The following DACH2 variants were observed in gnomAD, a reference collection of about 807,000 sequenced individuals.
DACH2 encodes the protein dachshund homolog 2.
In DACH2, 17 loss-of-function variants were observed where a neutral mutation model predicts 35.8. The ratio of observed to expected loss-of-function variants is 0.48; its 90% CI spans 0.33 to 0.71. The LOEUF (loss-of-function observed/expected upper bound fraction) is 0.71, where lower values mean the gene tolerates loss of function less well. DACH2 is among the 30% of genes least tolerant of loss of function. The pLI, the probability that DACH2 is intolerant of heterozygous loss-of-function variation, is 0.02. For missense variants in DACH2, 469 were observed against 472.7 expected (o/e 0.99, Z 0.07); for synonymous variants, 195 against 177.3 (o/e 1.10, Z -0.79).
intron 7 of DACH2, among the ~76,000 whole-genome samples, chrX:86,744,857 T>C (rs1305771801): frequency 9.0e-6 from 1 of 111,680 alleles, no homozygotes; most frequent in African/African-American, 3.2e-5. Context: ...TATGTGGTCT[T>C]TAACAGTCAG....
At chrX:86,248,620 C>A (rs1431246547) in intron 1 of DACH2, among the ~76,000 whole-genome samples, 1 of 110,986 alleles carries the variant, frequency 9.0e-6, no homozygotes, top group African/African-American at 3.3e-5. Context: ...CGTTACTCCC[C>A]AAAGCAGTGT....
chrX:86,280,684 G>T (rs1425661087), intron 1 of DACH2, among the ~76,000 whole-genome samples: 2 of 111,964 alleles, frequency 1.8e-5, no homozygotes, highest in Non-Finnish European at 3.8e-5. Flanking sequence ...ATGACCCATT[G>T]TGGTGCTGTA....
At chrX:86,348,354 A>G (rs982049180) in intron 1 of DACH2, among the ~76,000 whole-genome samples, 6 of 112,332 alleles carry the variant, frequency 5.3e-5, no homozygotes, top group African/African-American at 1.9e-4. Context: ...AAACATTCCA[A>G]TAATTTTGTA....
chrX:86,432,523 T>C (rs575867451), intron 2 of DACH2, among the ~76,000 whole-genome samples: 1 of 111,950 alleles, frequency 8.9e-6, no homozygotes, highest in South Asian at 3.7e-4. Context: ...TGCGAAGAAA[T>C]ATCTTGAAGG....
At chrX:86,443,857 C>T (rs1310409354) in intron 2 of DACH2, among the ~76,000 whole-genome samples, 2 of 111,546 alleles carry the variant, frequency 1.8e-5, no homozygotes, top group African/African-American at 6.5e-5. Flanking sequence ...CCAACTTAAT[C>T]GTGGTGACTA....
chrX:86,456,763 T>C (rs1213883988), intron 2 of DACH2, among the ~76,000 whole-genome samples: 1 of 111,072 alleles, frequency 9.0e-6, no homozygotes, highest in Non-Finnish European at 1.9e-5. Flanking sequence ...GAAGATCTAC[T>C]GGCAACAATT....
intron 3 of DACH2, among the ~76,000 whole-genome samples, chrX:86,589,292 T>C (rs983538148): frequency 1.8e-5 from 2 of 111,595 alleles, no homozygotes; most frequent in Non-Finnish European, 3.8e-5. Context: ...TCAATTCTGC[T>C]CTGATTTTAG....
chrX:86,614,186 C>T (rs368355012), intron 3 of DACH2, among the ~76,000 whole-genome samples: 19 of 111,217 alleles, frequency 1.7e-4, no homozygotes, highest in South Asian at 3.7e-4. Context: ...ATTATCTAGA[C>T]GGATAAGTGA....
chrX:86,222,401 G>T (rs1392387519), intron 1 of DACH2, among the ~76,000 whole-genome samples: 1 of 112,071 alleles, frequency 8.9e-6, no homozygotes, highest in Non-Finnish European at 1.9e-5. Context: ...GAATCGGCAA[G>T]ATCTAGCTTA....
At chrX:86,423,695 T>C (rs766850366) in intron 2 of DACH2, among the ~76,000 whole-genome samples, 1 of 110,773 alleles carries the variant, frequency 9.0e-6, no homozygotes, top group South Asian at 3.8e-4. Flanking sequence ...TTCCTCTGGT[T>C]GCTTGCACTT....
intron 2 of DACH2, among the ~76,000 whole-genome samples, chrX:86,394,795 A>C (rs968195495): frequency 9.0e-6 from 1 of 111,719 alleles, no homozygotes; most frequent in African/African-American, 3.2e-5. Context: ...TTCAGAACCA[A>C]GTTTAGGAAA....
At chrX:86,380,202 A>G (rs1189380874) in intron 2 of DACH2, among the ~76,000 whole-genome samples, 1 of 110,558 alleles carries the variant, frequency 9.0e-6, no homozygotes, top group Non-Finnish European at 1.9e-5. Context: ...ACAACTCTAT[A>G]AGATAGGTGC....
intron 1 of DACH2, among the ~76,000 whole-genome samples, chrX:86,306,693 G>T (rs2034696235): frequency 8.9e-6 from 1 of 111,788 alleles, no homozygotes; most frequent in African/African-American, 3.3e-5. Flanking sequence ...CTTCAATTTT[G>T]CAACTTGGAC....
intron 1 of DACH2, among the ~76,000 whole-genome samples, chrX:86,183,715 T>C (rs988295604): frequency 8.9e-6 from 1 of 111,792 alleles, no homozygotes; most frequent in African/African-American, 3.3e-5. Context: ...GGAGTCCCTC[T>C]TTTTCTATTG....
intron 6 of DACH2, among the ~76,000 whole-genome samples, chrX:86,720,651 G>C (rs1359754276): frequency 8.9e-6 from 1 of 111,942 alleles, no homozygotes; most frequent in Non-Finnish European, 1.9e-5. Context: ...AGTGTCTGTG[G>C]CTTTTCCAGG....
chrX:86,198,199 A>T (rs1248015301), intron 1 of DACH2, among the ~76,000 whole-genome samples: 1 of 112,200 alleles, frequency 8.9e-6, no homozygotes, highest in Non-Finnish European at 1.9e-5. Flanking sequence ...AGAAACCAAG[A>T]TGTTCTTTGA....
chrX:86,554,169 CT>C (rs755366759), intron 3 of DACH2, among the ~76,000 whole-genome samples: 1 of 110,987 alleles, frequency 9.0e-6, no homozygotes. Context: ...AGTTTTGATG[CT>C]TTAGTTGGAT....
At chrX:86,690,805 T>C (rs2041000869) in intron 4 of DACH2, among the ~76,000 whole-genome samples, 1 of 111,976 alleles carries the variant, frequency 8.9e-6, no homozygotes, top group Non-Finnish European at 1.9e-5. Flanking sequence ...AGCTTTCTTA[T>C]TGGTAAAGTT....
intron 2 of DACH2, among the ~76,000 whole-genome samples, chrX:86,426,157 A>C (rs1030183142): frequency 4.5e-5 from 5 of 111,575 alleles, no homozygotes; most frequent in African/African-American, 1.6e-4. Flanking sequence ...CTTTGTGTAC[A>C]CATAAAGTTA....
Sources: gnomAD v4.1 joint callset for allele counts (sites outside exome capture counted in the v4.1 genomes callset) on GRCh38, gnomAD v4.1.1 for gene constraint, MANE v1.5 for transcripts, NCBI Gene and HGNC (gene_info 2026-07-23, HGNC 2026-07-21) for gene names.